The following NCOA6 variants were observed in gnomAD, a reference collection of about 807,000 sequenced individuals.
NCOA6 encodes nuclear receptor coactivator 6.
Under a neutral mutation model 171.4 loss-of-function variants are expected in NCOA6, and 49 were observed. The observed-to-expected ratio is 0.29, with a 90% confidence interval of 0.23 to 0.36. The LOEUF (loss-of-function observed/expected upper bound fraction) is 0.36, where lower values mean the gene tolerates loss of function less well. Among genes scored for constraint, NCOA6 ranks in the 10% least tolerant of loss-of-function variants. The pLI is 1.00. For synonymous variants in NCOA6, 910 were observed against 927.5 expected (o/e 0.98, Z 0.34); for missense variants, 2,248 against 2,554.5 (o/e 0.88, Z 2.59).
intron 1 of NCOA6, among the ~76,000 whole-genome samples, chr20:34,815,427 A>G (rs771319546): frequency 5.9e-5 from 9 of 152,108 alleles, no homozygotes; most frequent in Non-Finnish European, 1.2e-4. Flanking sequence ...AGAGCATATC[A>G]TTAGCCTGGA....
chr20:34,754,925 A>C, intron 7 of NCOA6, 57 bp from the exon 8 acceptor site: 1 of 1,573,214 alleles, frequency 6.4e-7, no homozygotes, highest in Middle Eastern at 1.9e-4. Flanking sequence ...TCTTGCTTAG[A>C]TATGGAATGA....
intron 3 of NCOA6, among the ~76,000 whole-genome samples, chr20:34,779,740 A>C (rs1192942155): frequency 6.6e-6 from 1 of 152,214 alleles, no homozygotes. Context: ...GATAGAGGAA[A>C]GTGCCTACAT....
At chr20:34,796,563 A>G (rs1313582415) in intron 1 of NCOA6, among the ~76,000 whole-genome samples, 1 of 152,176 alleles carries the variant, frequency 6.6e-6, no homozygotes, top group Non-Finnish European at 1.5e-5. Flanking sequence ...CAGAGATTAC[A>G]GCGAGCTGTG....
rs769385851 is a variant in NCOA6 at position 34,758,814 on chromosome 20, A to G, written c.634T>C (p.Ser212Pro). 1 of 1,612,554 alleles carries G rather than the reference A, an allele frequency of 6.2e-7. No homozygotes were observed. Among genetic ancestry groups the G allele is most frequent in the South Asian group, 1.1e-5 (1 of 90,642 alleles). The stretch of plus-strand genomic sequence containing the variant: ...GATTGGAAGTCATTACCTGACTGAG[A>G]AGCAGGGCGAGGAGTCCTGGGCTGC... ...ELQPRTPRPA[S>P]QSDAMDPLLS... The change falls in exon 6 of 15, where the codon TCT (serine) becomes CCT (proline). Residue 212 changes from serine (S) to proline (P), a missense_variant. Physicochemically the swap from Ser to Pro is moderately conservative, Grantham distance 74. This residue lies in a region of NCOA6 where 987 missense variants were observed against 1,104.7 expected (regional missense o/e 0.89). Coordinates refer to ENST00000359003, the MANE Select transcript of NCOA6 (RefSeq NM_014071.5).
At position 34,748,186 on chromosome 20, in the gene NCOA6, G is replaced by A. The variant is rs534182482; in HGVS notation, c.2792+1217C>T. Among the ~76,000 whole-genome samples, 6 of 152,068 alleles carry A rather than the reference G, an allele frequency of 3.9e-5. No individual in the cohort carries two copies. In the South Asian group the frequency reaches 6.3e-4, roughly 16 times the overall value. On this transcript the variant is annotated intron_variant, in intron 9 of 14. Coordinates refer to ENST00000359003, the MANE Select transcript of NCOA6 (RefSeq NM_014071.5). ...CTTGCAATTTTACTCCCAGACTACCGAGAGAATAAAATATTTATTAAATAA... is the reference window on the plus strand; with the variant it reads ...CTTGCAATTTTACTCCCAGACTACCAAGAGAATAAAATATTTATTAAATAA...
intron 1 of NCOA6, among the ~76,000 whole-genome samples, chr20:34,799,585 A>G (rs1293184304): frequency 6.6e-6 from 1 of 152,234 alleles, no homozygotes; most frequent in Non-Finnish European, 1.5e-5. Flanking sequence ...TCCTAAAAGC[A>G]GCAAGACAAT....
At chr20:34,749,230 G>T (rs1464239726) in intron 9 of NCOA6, among the ~76,000 whole-genome samples, 173 bp downstream of exon 9, 1 of 152,168 alleles carries the variant, frequency 6.6e-6, no homozygotes, top group Non-Finnish European at 1.5e-5. Flanking sequence ...ACTCAAAAGG[G>T]TAATGGAAGA....
At chr20:34,797,969 G>T (rs186018363) in intron 1 of NCOA6, among the ~76,000 whole-genome samples, 82 of 152,238 alleles carry the variant, frequency 5.4e-4, no homozygotes, top group African/African-American at 1.9e-3. Context: ...GGCTCTCGGG[G>T]TCCCCAATTC....
chr20:34,822,667 A>C (rs544520779), intron 1 of NCOA6, among the ~76,000 whole-genome samples: 1 of 152,352 alleles, frequency 6.6e-6, no homozygotes, highest in South Asian at 2.1e-4. Flanking sequence ...TACAGAGCCC[A>C]GTATAATGCT....
At chr20:34,751,073 A>C (rs2076463243) in intron 8 of NCOA6, among the ~76,000 whole-genome samples, 1 of 152,114 alleles carries the variant, frequency 6.6e-6, no homozygotes, top group South Asian at 2.1e-4. Context: ...ACTCTGCTAT[A>C]AGAATGTGAA....
At chr20:34,716,674 C>CTGA in intron 14 of NCOA6, among the ~76,000 whole-genome samples, 1 of 151,826 alleles carries the variant, frequency 6.6e-6, no homozygotes, top group East Asian at 1.9e-4. Flanking sequence ...CACTTGAGCC[C>CTGA]AGGAGTTCAT....
At chr20:34,777,009 C>T (rs1488561908) in intron 3 of NCOA6, among the ~76,000 whole-genome samples, 5 of 150,644 alleles carry the variant, frequency 3.3e-5, no homozygotes, top group Non-Finnish European at 5.9e-5. Context: ...CCCAGCTACT[C>T]GGGAGGCTGA....
At chr20:34,724,841 C>T (rs979569804) in intron 14 of NCOA6, among the ~76,000 whole-genome samples, 4 of 149,918 alleles carry the variant, frequency 2.7e-5, no homozygotes, top group African/African-American at 9.9e-5. Flanking sequence ...CAGGCTGGAA[C>T]ACAATGACGC....
intron 5 of NCOA6, among the ~76,000 whole-genome samples, chr20:34,765,419 G>T (rs541637607): frequency 7.0e-6 from 1 of 142,848 alleles, no homozygotes; most frequent in South Asian, 2.2e-4. Context: ...CAGCCTAGGC[G>T]ACAGAGCGAG....
chr20:34,764,415 C>T (rs953287760), intron 5 of NCOA6, among the ~76,000 whole-genome samples: 22 of 152,084 alleles, frequency 1.4e-4, no homozygotes, highest in African/African-American at 4.8e-4. Flanking sequence ...TGTTATAGGC[C>T]GGACGCGGTG....
intron 1 of NCOA6, among the ~76,000 whole-genome samples, chr20:34,806,474 T>C (rs139365741): frequency 0.014 from 2,071 of 152,314 alleles, 43 homozygotes; most frequent in African/African-American, 0.048. Flanking sequence ...TATAAAACCT[T>C]TGCACAGACC....
At position 34,805,215 on chromosome 20, in the gene NCOA6, A is replaced by G. The variant is rs115862565; in HGVS notation, c.-163-12652T>C. The stretch of plus-strand genomic sequence containing the variant: ...TACCACGCCCAGCTAATTTTCTTGT[A>G]TATTTTTAGTAGAGATGAGGTTTTG... On this transcript the variant is annotated intron_variant, in intron 1 of 14. Transcript: ENST00000359003. Among the ~76,000 whole-genome samples, 1,517 of 151,906 alleles carry G rather than the reference A, an allele frequency of 1.0e-2. 25 individuals carry two copies. The highest frequency in any genetic ancestry group is 0.034 in the African/African-American group (1,393 of 41,460).
chr20:34,775,854 G>A (rs949411663), intron 4 of NCOA6, among the ~76,000 whole-genome samples: 2 of 151,406 alleles, frequency 1.3e-5, no homozygotes, highest in African/African-American at 4.9e-5. Context: ...TATAGGTGTA[G>A]TCCCAGCTAC....
At chr20:34,716,269 C>G (rs1461666851) in intron 14 of NCOA6, among the ~76,000 whole-genome samples, 1 of 148,364 alleles carries the variant, frequency 6.7e-6, no homozygotes, top group Non-Finnish European at 1.5e-5. Flanking sequence ...GAATGCAATT[C>G]AGAATAAGCA....
Sources: allele counts gnomAD v4.1 joint callset (sites outside exome capture counted in the v4.1 genomes callset), GRCh38; gene constraint gnomAD v4.1.1; regional missense constraint gnomAD v4.1.1; transcripts MANE v1.5; gene names NCBI Gene and HGNC (gene_info 2026-07-23, HGNC 2026-07-21).